MYPN: variants seen among roughly 807,000 people sequenced by gnomAD.
MYPN encodes the protein sarcomeric protein myopalladin, 145 kDa (MYOP).
A neutral mutation model predicts 129.4 loss-of-function variants in MYPN; 63 were observed. That is an observed-to-expected ratio of 0.49 (90% CI 0.40 to 0.60). MYPN has a LOEUF of 0.60. Ranked by LOEUF, MYPN falls within the 20% of genes least tolerant of loss-of-function variation. The pLI is 0.00. For missense variants in MYPN, 1,596 were observed against 1,635.4 expected (o/e 0.98, Z 0.42); for synonymous variants, 629 against 600.9 (o/e 1.05, Z -0.68).
At chr10:68,200,550 G>C (rs61857189) in intron 17 of MYPN, among the ~76,000 whole-genome samples, 22,293 of 152,036 alleles carry the variant, frequency 0.15, 2,119 homozygotes, top group Admixed American at 0.2. Flanking sequence ...CTGAGGTTAG[G>C]AGTTCAAGAC....
chr10:68,165,378 G>C, intron 8 of MYPN: 1 of 442,556 alleles, frequency 2.3e-6, no homozygotes, highest in South Asian at 1.7e-5. Context: ...CTTGAACCTG[G>C]GAGGCGGAGG....
chr10:68,141,181 C>T (rs1340997855), intron 2 of MYPN, among the ~76,000 whole-genome samples: 1 of 152,070 alleles, frequency 6.6e-6, no homozygotes, highest in African/African-American at 2.4e-5. Context: ...CCATTCTGGT[C>T]AACATGGTGA....
intron 1 of MYPN, among the ~76,000 whole-genome samples, chr10:68,095,008 C>T (rs1463872701): frequency 6.6e-6 from 1 of 152,078 alleles, no homozygotes; most frequent in Non-Finnish European, 1.5e-5. Flanking sequence ...TTGCAGTGAG[C>T]CAAGATTTCA....
chr10:68,150,368 G>A (rs2042748528), intron 6 of MYPN, among the ~76,000 whole-genome samples: 2 of 152,004 alleles, frequency 1.3e-5, no homozygotes, highest in African/African-American at 4.8e-5. Context: ...TTCAACATAG[G>A]AGCCACCCCT....
At position 68,189,035 on chromosome 10, in the gene MYPN, C is replaced by T. The variant is rs1477487826; in HGVS notation, c.2834C>T (p.Pro945Leu). The change falls in exon 13 of 20, where the codon CCC (proline) becomes CTC (leucine). Residue 945 changes from proline to leucine, a missense_variant. Transcript: ENST00000358913. ...DEIPTGKCIA[P>L]IFDKRLKHFR... Reference sequence around the variant, plus strand: ...ATCCCCACGGGCAAGTGTATTGCTCCCATCTTTGACAAGAGACTCAAGCAC... The same window carrying T: ...ATCCCCACGGGCAAGTGTATTGCTCTCATCTTTGACAAGAGACTCAAGCAC... 8 of 1,613,986 alleles carry T rather than the reference C, an allele frequency of 5.0e-6. No homozygotes were observed. The highest frequency in any genetic ancestry group is 1.3e-5 in the African/African-American group (1 of 74,916).
upstream of MYPN, among the ~76,000 whole-genome samples, chr10:68,102,136 T>G (rs2041984794): frequency 6.7e-6 from 1 of 148,730 alleles, no homozygotes; most frequent in Admixed American, 6.7e-5. Context: ...TTTTTTTTTT[T>G]TTTTTTTGAG....
At chr10:68,161,400 G>GCAGGAGAATTGCTTGAACC (rs1211670799) in intron 7 of MYPN, among the ~76,000 whole-genome samples, 4 of 151,998 alleles carry the variant, frequency 2.6e-5, no homozygotes, top group Non-Finnish European at 4.4e-5. Flanking sequence ...GGAGGCTGAA[G>GCAGGAGAATTGCTTGAACC]CAGGAGAATT....
At chr10:68,133,826 A>C (rs896867146) in intron 2 of MYPN, among the ~76,000 whole-genome samples, 1 of 151,132 alleles carries the variant, frequency 6.6e-6, no homozygotes, top group East Asian at 2.0e-4. Flanking sequence ...GCAGGGCAGC[A>C]TCCCAGATAG....
chr10:68,170,141 G>T (rs570861563), intron 10 of MYPN, among the ~76,000 whole-genome samples: 26 of 152,256 alleles, frequency 1.7e-4, no homozygotes, highest in African/African-American at 6.0e-4. Flanking sequence ...TTAGGCAGAT[G>T]GGACACTAGT....
rs140483026 is a variant in MYPN at position 68,114,747 on chromosome 10, A to G, written c.-2+5024A>G. Among the ~76,000 whole-genome samples, 1,179 of 152,328 alleles carry G rather than the reference A, an allele frequency of 7.7e-3. 7 individuals are homozygous for G. Among genetic ancestry groups the G allele is most frequent in the Middle Eastern group, 0.014 (4 of 294 alleles). The stretch of plus-strand genomic sequence containing the variant: ...ATAGAGATATTTAGGAAAGTAAAGG[A>G]AGTAAAATAAGCTGTCTATGTTGCC... On this transcript the variant is annotated intron_variant, in intron 1 of 19. Coordinates refer to ENST00000358913, the MANE Select transcript of MYPN (RefSeq NM_032578.4).
In MYPN at chr10:68,197,385, G is replaced by A. The variant is rs1386442216; in HGVS notation, c.3192G>A (p.Glu1064=). ...GRSRVQERDK[E]PLQERFFRPH... ...CCCGAGTGCAAGAAAGAGACAAAGA[G>A]CCCCTACAGGAACGCTTTTTCCGAC... The change falls in exon 16 of 20, where the codon GAG becomes GAA. Residue 1064 remains glutamate (E), a synonymous_variant. Coordinates refer to ENST00000358913, the MANE Select transcript of MYPN (RefSeq NM_032578.4). The A allele has an allele frequency of 6.2e-7, 1 of 1,613,962 alleles. No individual in the cohort carries two copies. The highest frequency in any genetic ancestry group is 1.7e-5 in the Admixed American group (1 of 60,012).
upstream of MYPN, chr10:68,106,020 C>A: frequency 2.7e-6 from 1 of 374,594 alleles, no homozygotes; most frequent in Non-Finnish European, 5.3e-6. Flanking sequence ...AATGACTGTC[C>A]CTGGATCTGC....
intron 13 of MYPN, among the ~76,000 whole-genome samples, chr10:68,190,296 C>T (rs181376067): frequency 4.6e-5 from 7 of 152,256 alleles, no homozygotes; most frequent in Admixed American, 3.9e-4. Context: ...AAGCAATTCT[C>T]GTGCCTCAGC....
intron 1 of MYPN, among the ~76,000 whole-genome samples, chr10:68,119,689 G>A (rs866129785): frequency 9.9e-5 from 15 of 152,212 alleles, no homozygotes; most frequent in Admixed American, 5.9e-4. Flanking sequence ...TGGGATCATA[G>A]GCGTGCGCCG....
chr10:68,196,509 GGTC>G (rs1564695571), intron 15 of MYPN, among the ~76,000 whole-genome samples: 1 of 120,606 alleles, frequency 8.3e-6, no homozygotes, highest in Non-Finnish European at 1.8e-5. Flanking sequence ...TTGAGATGGG[GGTC>G]TCACTCTGTC....
chr10:68,165,744 A>G lies in MYPN; in HGVS notation c.1526A>G (p.Asp509Gly), dbSNP rs1385927378. The stretch of plus-strand genomic sequence containing the variant: ...GTCATTGCTGAGGTGTTTGCAGAAG[A>G]TTCTGGGTGCTTCACATGTACTGCA... ...TLVIAEVFAE[D>G]SGCFTCTASN... The change falls in exon 9 of 20, where the codon GAT becomes GGT. Residue 509 changes from aspartate to glycine, a missense_variant. Physicochemically the swap from Asp to Gly is moderately conservative, Grantham distance 94. Transcript: ENST00000358913. 6.2e-7 allele frequency: 1 copy of G among 1,614,190 alleles called. No homozygotes were observed. The highest frequency in any genetic ancestry group is 8.5e-7 in the Non-Finnish European group (1 of 1,180,022).
At chr10:68,137,162 A>T (rs891746158) in intron 2 of MYPN, among the ~76,000 whole-genome samples, 14 of 152,370 alleles carry the variant, frequency 9.2e-5, no homozygotes, top group South Asian at 2.1e-4. Context: ...TCCAAAATGA[A>T]CAAAAAAACC....
At chr10:68,172,687 A>G (rs2043161096) in intron 10 of MYPN, among the ~76,000 whole-genome samples, 1 of 152,220 alleles carries the variant, frequency 6.6e-6, no homozygotes, top group Admixed American at 6.5e-5. Context: ...TTTAGGAACA[A>G]TAAAAGTCTA....
At chr10:68,165,169 C>G (rs1286960059) in intron 8 of MYPN, among the ~76,000 whole-genome samples, 2 of 152,348 alleles carry the variant, frequency 1.3e-5, no homozygotes, top group African/African-American at 4.8e-5. Flanking sequence ...ATCCCCTTGT[C>G]AGGCCGGGCA....
Sources: gnomAD v4.1 joint callset for allele counts (sites outside exome capture counted in the v4.1 genomes callset) on GRCh38, gnomAD v4.1.1 for gene constraint, MANE v1.5 for transcripts, NCBI Gene and HGNC (gene_info 2026-07-23, HGNC 2026-07-21) for gene names.